The following FGF12 variants were observed in gnomAD, a reference collection of about 807,000 sequenced individuals.
FGF12 encodes fibroblast growth factor 12B.
In FGF12, 14 loss-of-function variants were observed where a neutral mutation model predicts 23.6. The observed-to-expected ratio is 0.59, with a 90% CI of 0.39 to 0.93. The LOEUF is 0.93. Ranked by LOEUF, FGF12 falls within the 40% of genes least tolerant of loss-of-function variation. The pLI, the probability that FGF12 is intolerant of heterozygous loss-of-function variation, is 0.00. For synonymous variants in FGF12, 62 were observed against 77.3 expected, an observed-to-expected ratio of 0.80 and a Z score of 1.04; for missense variants, 175 against 217.8, an observed-to-expected ratio of 0.80 and a Z score of 1.24.
intron 2 of FGF12, among the ~76,000 whole-genome samples, chr3:192,484,650 A>G (rs1008729535): frequency 1.3e-5 from 2 of 152,164 alleles, no homozygotes; most frequent in Admixed American, 6.6e-5. Context: ...CTCTGGGTGA[A>G]AAGAGAGGAC....
In FGF12 at chr3:192,267,965, T is replaced by C. The variant is rs978018749; in HGVS notation, c.228+67396A>G. 2.6e-5 allele frequency among the ~76,000 whole-genome samples: 4 copies of C among 152,296 alleles called. No individual in the cohort carries two copies. The East Asian group carries it at 7.7e-4, about 29-fold the overall frequency. On this transcript the variant is annotated intron_variant, in intron 4 of 5. Transcript: ENST00000445105. ...TCTCTATTCTATAAGTTGCTTGACC[T>C]CCCACTTTGTAAGAATCCTTTCTGT...
chr3:192,257,191 A>G (rs1378619890), intron 4 of FGF12, among the ~76,000 whole-genome samples: 1 of 152,160 alleles, frequency 6.6e-6, no homozygotes, highest in Non-Finnish European at 1.5e-5. Flanking sequence ...TTAAATAAGT[A>G]CCTTCCCATA....
chr3:192,588,387 T>A (rs1259580324), intron 2 of FGF12, among the ~76,000 whole-genome samples: 138 of 131,876 alleles, frequency 1.0e-3, no homozygotes, highest in African/African-American at 3.3e-3. Flanking sequence ...AAAAAAAAAA[T>A]TCAGCATCTG....
At chr3:192,212,683 A>C (rs950456708) in intron 4 of FGF12, among the ~76,000 whole-genome samples, 5 of 151,694 alleles carry the variant, frequency 3.3e-5, no homozygotes, top group African/African-American at 1.2e-4. Flanking sequence ...AAGCAGTTTC[A>C]GGATTTGTCA....
chr3:192,296,382 C>G (rs980320598), intron 4 of FGF12, among the ~76,000 whole-genome samples: 1 of 151,790 alleles, frequency 6.6e-6, no homozygotes, highest in Non-Finnish European at 1.5e-5. Context: ...CACCATCATG[C>G]CCAGCTTATT....
At chr3:192,419,265 CA>C (rs1359969014) in intron 2 of FGF12, among the ~76,000 whole-genome samples, 2 of 152,084 alleles carry the variant, frequency 1.3e-5, no homozygotes, top group African/African-American at 2.4e-5. Context: ...CAGTCTAAGT[CA>C]GGGGCATCCC....
In FGF12 at chr3:192,222,577, T is replaced by C. The variant is rs761867570; in HGVS notation, c.229-51921A>G. On this transcript the variant is annotated intron_variant, in intron 4 of 5. Transcript: ENST00000445105. ...AGGAAGCTCAGTTGGCAGATACCAA[T>C]TGAATTGTGAAAATATGTCTCTCCT... Among the ~76,000 whole-genome samples the C allele has an allele frequency of 5.3e-5, 8 of 152,290 alleles. No individual in the cohort carries two copies. The South Asian group carries it at 6.2e-4, about 12-fold the overall frequency.
At chr3:192,535,981 T>C (rs1725213906) in intron 2 of FGF12, among the ~76,000 whole-genome samples, 1 of 152,226 alleles carries the variant, frequency 6.6e-6, no homozygotes, top group South Asian at 2.1e-4. Flanking sequence ...CATAAAATTG[T>C]AGCACTAAAT....
intron 5 of FGF12, among the ~76,000 whole-genome samples, chr3:192,149,386 C>T (rs1183334186): frequency 6.7e-6 from 1 of 148,198 alleles, no homozygotes; most frequent in Non-Finnish European, 1.5e-5. Flanking sequence ...CATATGTATA[C>T]ATGTGCCATG....
intron 4 of FGF12, among the ~76,000 whole-genome samples, chr3:192,326,336 G>C (rs1456604978): frequency 9.2e-5 from 14 of 152,168 alleles, no homozygotes. Context: ...ATCTATGATA[G>C]TGAGGAAGTA....
Position 192,600,433 on chromosome 3 carries a change from C to T in FGF12, c.13+126748G>A, listed in dbSNP as rs1022024354. Among the ~76,000 whole-genome samples the T allele has an allele frequency of 3.3e-5, 5 of 151,958 alleles. No homozygotes were observed. In the East Asian group the frequency reaches 7.7e-4, roughly 23 times the overall value. On this transcript the variant is annotated intron_variant, in intron 2 of 5. Transcript: ENST00000445105. ...AAAAAAATCCTGTGAAGAATATCAT[C>T]GGTATTTTGATAGAGATTTCACTGA... is the stretch of plus-strand genomic sequence containing the variant.
intron 4 of FGF12, among the ~76,000 whole-genome samples, chr3:192,251,412 CTT>C (rs1712004348): frequency 6.6e-6 from 1 of 152,162 alleles, no homozygotes. Flanking sequence ...GATTCACCAA[CTT>C]TCAAGAAATG....
At chr3:192,669,602 TAAAAAAAAAA>T (rs59897483) in intron 2 of FGF12, among the ~76,000 whole-genome samples, 22 of 59,530 alleles carry the variant, frequency 3.7e-4, no homozygotes, top group Admixed American at 2.7e-3. Flanking sequence ...GACTCTGTCT[TAAAAAAAAAA>T]AAAAAAAAAA....
chr3:192,363,089 T>C (rs1380073680), intron 2 of FGF12, among the ~76,000 whole-genome samples: 1 of 86,536 alleles, frequency 1.2e-5, no homozygotes, highest in Admixed American at 1.3e-4. Context: ...GGGCCTGTTG[T>C]GGGGTAGGGG....
intron 4 of FGF12, among the ~76,000 whole-genome samples, chr3:192,272,186 A>G (rs1341745304): frequency 6.6e-6 from 1 of 152,060 alleles, no homozygotes; most frequent in African/African-American, 2.4e-5. Context: ...GACAAATCCA[A>G]ATTTTTTTAA....
At chr3:192,210,509 T>A (rs1457295253) in intron 4 of FGF12, among the ~76,000 whole-genome samples, 1 of 152,102 alleles carries the variant, frequency 6.6e-6, no homozygotes, top group East Asian at 1.9e-4. Context: ...GTATAACTAG[T>A]TTAATAAAAT....
chr3:192,386,812 TA>T (rs1391937696), intron 2 of FGF12, among the ~76,000 whole-genome samples: 2 of 152,066 alleles, frequency 1.3e-5, no homozygotes, highest in African/African-American at 4.8e-5. Context: ...TCTGGTAATA[TA>T]AAGAACACTG....
intron 4 of FGF12, among the ~76,000 whole-genome samples, chr3:192,324,143 T>C (rs957305766): frequency 6.6e-6 from 1 of 151,960 alleles, no homozygotes; most frequent in African/African-American, 2.4e-5. Flanking sequence ...ACCCCATAAA[T>C]ATATATGCCT....
chr3:192,257,652 A>C (rs1009139716), intron 4 of FGF12, among the ~76,000 whole-genome samples: 2 of 152,062 alleles, frequency 1.3e-5, no homozygotes, highest in Admixed American at 1.3e-4. Flanking sequence ...GGTTGAGTTA[A>C]CCAAATGTTC....
Sources: gnomAD v4.1 joint callset for allele counts (sites outside exome capture counted in the v4.1 genomes callset) on GRCh38, gnomAD v4.1.1 for gene constraint, MANE v1.5 for transcripts, NCBI Gene and HGNC (gene_info 2026-07-23, HGNC 2026-07-21) for gene names.